Variants in DST observed in about 807,000 individuals in gnomAD.
DST encodes the protein dystonin.
In DST, 253 loss-of-function variants were observed where a neutral mutation model predicts 875.2. The observed-to-expected ratio is 0.29, with a 90% CI of 0.26 to 0.32. The LOEUF is 0.32. DST is among the 10% of genes least tolerant of loss of function. The pLI is 1.00. For missense variants in DST, 8,287 were observed against 9,111.6 expected (o/e 0.91, Z 3.68); for synonymous variants, 3,124 against 3,197.1 (o/e 0.98, Z 0.77).
chr6:56,636,547 A>G lies in DST; in HGVS notation c.3060+10T>C. The G allele has an allele frequency of 6.2e-7, 1 of 1,608,030 alleles. No homozygotes were observed. The highest frequency in any genetic ancestry group is 8.5e-7 in the Non-Finnish European group (1 of 1,176,490). On this transcript the variant is annotated intron_variant, in intron 23 of 103. Transcript: ENST00000680361. Reference sequence around the variant, plus strand: ...TACCATCTATTGAAGTTATGATTCTACTCACATACCTCGAAATACGCTGTG... The same window carrying G: ...TACCATCTATTGAAGTTATGATTCTGCTCACATACCTCGAAATACGCTGTG...
intron 3 of DST, among the ~76,000 whole-genome samples, chr6:56,885,263 G>A (rs143870776): frequency 2.6e-5 from 4 of 152,298 alleles, no homozygotes; most frequent in South Asian, 2.1e-4. Flanking sequence ...ACTGACTGAG[G>A]TGAAGGACAA....
chr6:56,479,551 TA>T (rs879775109), intron 90 of DST, among the ~76,000 whole-genome samples: 65 of 151,018 alleles, frequency 4.3e-4, no homozygotes, highest in African/African-American at 6.1e-4. Context: ...TTGATTGGAT[TA>T]AAAAAAAATG....
At chr6:56,558,882 C>A (rs751045983) in intron 58 of DST, among the ~76,000 whole-genome samples, 1 of 152,110 alleles carries the variant, frequency 6.6e-6, no homozygotes, top group African/African-American at 2.4e-5. Context: ...CCAACCCTAT[C>A]CTTCCTTTAC....
chr6:56,536,155 C>T (rs1051276219), intron 62 of DST, among the ~76,000 whole-genome samples: 100 of 152,332 alleles, frequency 6.6e-4, no homozygotes, highest in African/African-American at 2.4e-3. Flanking sequence ...AGCTGCCTGC[C>T]ATCGTATGTC....
chr6:56,653,812 T>C (rs1051443522), intron 10 of DST, among the ~76,000 whole-genome samples: 1 of 152,248 alleles, frequency 6.6e-6, no homozygotes. Context: ...TTCCTCTACC[T>C]GCCTGAAGCA....
At chr6:56,839,407 T>A (rs1413344846) in intron 4 of DST, among the ~76,000 whole-genome samples, 1 of 152,200 alleles carries the variant, frequency 6.6e-6, no homozygotes, top group African/African-American at 2.4e-5. Context: ...GTTTCACTTT[T>A]AAAAGAAAAC....
At chr6:56,659,527 A>T (rs1221345597) in intron 10 of DST, among the ~76,000 whole-genome samples, 1 of 152,226 alleles carries the variant, frequency 6.6e-6, no homozygotes, top group Non-Finnish European at 1.5e-5. Context: ...GGCCTGAAAA[A>T]TATCCACTGG....
chr6:56,841,059 G>A (rs1017270918), intron 4 of DST, among the ~76,000 whole-genome samples: 7 of 152,276 alleles, frequency 4.6e-5, no homozygotes, highest in African/African-American at 1.7e-4. Context: ...GTGAGCAACC[G>A]TACTCTGAAC....
At chr6:56,851,940 T>C in intron 3 of DST, 1 of 1,520,958 alleles carries the variant, frequency 6.6e-7, no homozygotes, top group Non-Finnish European at 8.8e-7. Context: ...ACAGCCTTCC[T>C]GTTACAAACC....
intron 4 of DST, among the ~76,000 whole-genome samples, chr6:56,787,540 A>G (rs573653608): frequency 6.6e-6 from 1 of 152,350 alleles, no homozygotes; most frequent in East Asian, 1.9e-4. Context: ...AATTCTCACC[A>G]GGATTGGCAT....
intron 13 of DST, 89 bp downstream of exon 13, chr6:56,648,481 T>C (rs1248620639): frequency 3.8e-6 from 5 of 1,327,312 alleles, no homozygotes; most frequent in Non-Finnish European, 5.0e-6. Flanking sequence ...GCAACTTTTG[T>C]TGAACTTCTA....
At chr6:56,766,678 G>A (rs747391127) in intron 4 of DST, among the ~76,000 whole-genome samples, 7 of 152,050 alleles carry the variant, frequency 4.6e-5, no homozygotes, top group African/African-American at 9.7e-5. Flanking sequence ...TTACAGGCAC[G>A]CGCCACCATG....
intron 33 of DST, 63 bp downstream of exon 33, chr6:56,627,936 G>A: frequency 6.9e-7 from 1 of 1,446,158 alleles, no homozygotes; most frequent in South Asian, 1.1e-5. Context: ...AGGAAAGGAA[G>A]ATGAGGAGCA....
At chr6:56,778,449 T>A (rs748015138) in intron 4 of DST, among the ~76,000 whole-genome samples, 34 of 151,406 alleles carry the variant, frequency 2.2e-4, no homozygotes, top group Non-Finnish European at 3.7e-4. Context: ...TAGTTACATA[T>A]GTATACATAT....
chr6:56,624,306 A>T, intron 36 of DST: 1 of 640,846 alleles, frequency 1.6e-6, no homozygotes, highest in Non-Finnish European at 2.8e-6. Context: ...ATGTAAAGTC[A>T]TGAAGTGAAA....
At chr6:56,579,187 T>C (rs923494694) in intron 49 of DST, among the ~76,000 whole-genome samples, 11 of 152,198 alleles carry the variant, frequency 7.2e-5, no homozygotes, top group African/African-American at 2.7e-4. Flanking sequence ...CATATGTTCA[T>C]AATAATTTCC....
At chr6:56,910,267 A>G (rs1798285877) in intron 2 of DST, among the ~76,000 whole-genome samples, 2 of 152,178 alleles carry the variant, frequency 1.3e-5, no homozygotes, top group Non-Finnish European at 2.9e-5. Flanking sequence ...CCTGGGCTCA[A>G]GTGATCCCCC....
intron 69 of DST, among the ~76,000 whole-genome samples, chr6:56,522,327 A>G (rs946629601): frequency 6.6e-6 from 1 of 152,142 alleles, no homozygotes; most frequent in Non-Finnish European, 1.5e-5. Flanking sequence ...CTGAGATTCT[A>G]ACGAAGGTGG....
At chr6:56,874,992 T>G (rs762048233) in intron 3 of DST, among the ~76,000 whole-genome samples, 8 of 152,200 alleles carry the variant, frequency 5.3e-5, no homozygotes, top group Non-Finnish European at 7.4e-5. Flanking sequence ...TTTGTTTTTT[T>G]GTTTGTTTTG....
Sources: gnomAD v4.1 joint callset for allele counts (sites outside exome capture counted in the v4.1 genomes callset) on GRCh38, gnomAD v4.1.1 for gene constraint, MANE v1.5 for transcripts, NCBI Gene and HGNC (gene_info 2026-07-23, HGNC 2026-07-21) for gene names.